The following TRAP1 variants were observed in gnomAD, a reference collection of about 807,000 sequenced individuals.
TRAP1 encodes the protein TNF receptor associated protein 1.
In TRAP1, 102 loss-of-function variants were observed where a neutral mutation model predicts 89.1. The observed-to-expected ratio is 1.15, with a 90% CI of 0.98 to 1.35. TRAP1 has a LOEUF of 1.35. Among genes scored for constraint, TRAP1 ranks in the 40% most tolerant of loss-of-function variants. The probability of loss-of-function intolerance (pLI) is 0.00; values close to 1 mark genes in which losing one functional copy is unlikely to be tolerated. For missense variants in TRAP1, 1,256 were observed against 945.3 expected, an observed-to-expected ratio of 1.33 and a Z score of -4.31; for synonymous variants, 508 against 388.0, an observed-to-expected ratio of 1.31 and a Z score of -3.64.
At chr16:3,675,227 T>A in intron 8 of TRAP1, 97 bp downstream of exon 8, 1 of 1,222,104 alleles carries the variant, frequency 8.2e-7, no homozygotes, top group South Asian at 1.3e-5. Context: ...CCTGTGACTC[T>A]GGGCCGCATC....
chr16:3,710,448 G>A (rs568698046), intron 1 of TRAP1: 4 of 152,118 alleles, frequency 2.6e-5, no homozygotes, highest in Non-Finnish European at 4.4e-5. Context: ...ATGGCCCTAC[G>A]GGAGCCTACA....
intron 1 of TRAP1, among the ~76,000 whole-genome samples, chr16:3,715,448 A>G (rs186746790): frequency 8.9e-4 from 136 of 152,244 alleles, no homozygotes; most frequent in African/African-American, 2.9e-3. Context: ...AAAAAAAAAG[A>G]AAAAGAAAAA....
chr16:3,714,939 TG>T (rs2051578095), intron 1 of TRAP1, among the ~76,000 whole-genome samples: 1 of 152,210 alleles, frequency 6.6e-6, no homozygotes, highest in Non-Finnish European at 1.5e-5. Flanking sequence ...GCACAAGACA[TG>T]TATTTTCTTA....
At chr16:3,707,902 G>A (rs559598819) in intron 1 of TRAP1, among the ~76,000 whole-genome samples, 5 of 151,812 alleles carry the variant, frequency 3.3e-5, no homozygotes, top group Admixed American at 3.3e-4. Flanking sequence ...AAAAAACTGG[G>A]GGCCAGGCAC....
chr16:3,698,588 C>T (rs1305386799), intron 1 of TRAP1, among the ~76,000 whole-genome samples: 2 of 152,046 alleles, frequency 1.3e-5, no homozygotes, highest in Non-Finnish European at 2.9e-5. Context: ...AGGCGTGAGC[C>T]ACCGCGCCCG....
intron 10 of TRAP1, among the ~76,000 whole-genome samples, 186 bp from the exon 11 acceptor site, chr16:3,671,977 G>C (rs1435347460): frequency 6.6e-6 from 1 of 152,244 alleles, no homozygotes; most frequent in East Asian, 1.9e-4. Flanking sequence ...CAGTGACCTG[G>C]GCTGTGGGTG....
At chr16:3,703,066 A>AG (rs2051390784) in intron 1 of TRAP1, among the ~76,000 whole-genome samples, 1 of 146,230 alleles carries the variant, frequency 6.8e-6, no homozygotes, top group East Asian at 2.0e-4. Context: ...AAAAAAAAAA[A>AG]GCATTCAGTA....
chr16:3,669,337 T>C (rs561410530), intron 11 of TRAP1, among the ~76,000 whole-genome samples: 1 of 152,308 alleles, frequency 6.6e-6, no homozygotes, highest in East Asian at 1.9e-4. Context: ...ACTGCTGCCC[T>C]GTGGTCATGT....
intron 2 of TRAP1, chr16:3,689,798 C>T (rs2051188664): frequency 6.6e-6 from 1 of 152,390 alleles, no homozygotes. Context: ...CATGATTGCA[C>T]TACAGCACTC....
At chr16:3,660,429 C>G (rs556694365) in intron 16 of TRAP1, 3 of 152,320 alleles carry the variant, frequency 2.0e-5, no homozygotes, top group Admixed American at 2.0e-4. Flanking sequence ...CTGATGGCGC[C>G]ACTGGTACAC....
rs1442303427 is a variant in TRAP1, at chr16:3,663,569, G to T, written c.1570-7C>A. ...GCTCAAAGCAGAAGAGAACCTGCAG[G>T]TGGCCAAGAGCAGCTCCATCAGACC... On this transcript the variant is annotated splice_region_variant and splice_polypyrimidine_tract_variant and intron_variant, in intron 13 of 17. Transcript: ENST00000246957. The T allele has an allele frequency of 6.2e-7, 1 of 1,613,472 alleles. No individual in the cohort carries two copies. Among genetic ancestry groups the T allele is most frequent in the East Asian group, 2.2e-5 (1 of 44,896 alleles).
chr16:3,663,584 T>TC (rs2050743844), intron 13 of TRAP1, 22 bp from the exon 14 acceptor site: 1 of 1,612,664 alleles, frequency 6.2e-7, no homozygotes, highest in African/African-American at 1.3e-5. Context: ...CAAGAGCAGC[T>TC]CCATCAGACC....
chr16:3,697,924 G>T (rs1321339690), intron 1 of TRAP1, among the ~76,000 whole-genome samples: 4 of 151,660 alleles, frequency 2.6e-5, no homozygotes, highest in Non-Finnish European at 2.9e-5. Context: ...AAGTAGCTGG[G>T]ATTGCAGGTG....
At chr16:3,691,781 T>A (rs965984897) in intron 1 of TRAP1, among the ~76,000 whole-genome samples, 65 of 152,242 alleles carry the variant, frequency 4.3e-4, no homozygotes, top group East Asian at 1.5e-3. Context: ...ACAGATTTTT[T>A]AAAAAAAATT....
At chr16:3,694,108 C>G (rs2051254668) in intron 1 of TRAP1, among the ~76,000 whole-genome samples, 3 of 152,008 alleles carry the variant, frequency 2.0e-5, no homozygotes, top group African/African-American at 7.3e-5. Flanking sequence ...CAGTAGCCGG[C>G]ATCCTTGGTG....
At position 3,689,038 on chromosome 16, in the gene TRAP1, G is replaced by T. The variant is rs1269267126; in HGVS notation, c.330+17C>A. On this transcript the variant is annotated intron_variant, in intron 3 of 17. Coordinates refer to ENST00000246957, the MANE Select transcript of TRAP1 (RefSeq NM_016292.3). Reference sequence around the variant, plus strand: ...AGAAACTTTGCTAGCATCGGGCATGGTTAGCAGGGAACGCACCTCTTTTTC... The same window carrying T: ...AGAAACTTTGCTAGCATCGGGCATGTTTAGCAGGGAACGCACCTCTTTTTC... The T allele has an allele frequency of 1.2e-6, 2 of 1,601,256 alleles. No homozygotes were observed. The highest frequency in any genetic ancestry group is 2.7e-5 in the African/African-American group (2 of 74,384).
At chr16:3,697,798 T>C (rs919578854) in intron 1 of TRAP1, among the ~76,000 whole-genome samples, 3 of 151,830 alleles carry the variant, frequency 2.0e-5, no homozygotes, top group African/African-American at 7.3e-5. Flanking sequence ...AATTTTTTTT[T>C]TTTTTCCTCG....
At chr16:3,677,030 G>C (rs990674896) in intron 6 of TRAP1, 2 of 160,088 alleles carry the variant, frequency 1.2e-5, no homozygotes, top group African/African-American at 4.9e-5. Context: ...CTCCAGCCTA[G>C]GCAACAAGAG....
At position 3,679,758 on chromosome 16, in the gene TRAP1, C is replaced by T; in HGVS notation, c.504G>A (p.Leu168=). ...TGGCAATCGTCCCCAGGTTGGACAC[C>T]AGCTCTTCCTGTGTCATCCCGATAC... The part of the protein sequence containing the change: ...DTGIGMTQEE[L]VSNLGTIARS... Residue 168 remains leucine (L), a synonymous_variant, in exon 5 of 18, where the codon CTG becomes CTA. Transcript: ENST00000246957. 1.2e-6 allele frequency: 2 copies of T among 1,614,116 alleles called. No homozygotes were observed. The highest frequency in any genetic ancestry group is 1.7e-6 in the Non-Finnish European group (2 of 1,180,000).
Sources: gnomAD v4.1 joint callset for allele counts (sites outside exome capture counted in the v4.1 genomes callset) on GRCh38, gnomAD v4.1.1 for gene constraint, MANE v1.5 for transcripts, NCBI Gene and HGNC (gene_info 2026-07-23, HGNC 2026-07-21) for gene names.